Variants in KSR2 observed in about 807,000 individuals in gnomAD.
KSR2 encodes the protein kinase suppressor of ras 2.
KSR2 carries 25 observed loss-of-function variants against 107.8 expected under a neutral mutation model. The ratio of observed to expected loss-of-function variants is 0.23; its 90% CI spans 0.17 to 0.32. The LOEUF is 0.32. Ranked by LOEUF, KSR2 falls within the 10% of genes least tolerant of loss-of-function variation. KSR2 has a pLI of 1.00. For synonymous variants in KSR2, 480 were observed against 507.0 expected (o/e 0.95, Z 0.71); for missense variants, 887 against 1,268.9 (o/e 0.70, Z 4.57).
At chr12:117,594,749 C>A (rs1416926286) in intron 5 of KSR2, among the ~76,000 whole-genome samples, 1 of 152,176 alleles carries the variant, frequency 6.6e-6, no homozygotes, top group East Asian at 1.9e-4. Flanking sequence ...AACACATAAA[C>A]AAAGTTAACC....
chr12:117,800,591 A>G (rs1266929572), intron 3 of KSR2, among the ~76,000 whole-genome samples: 1 of 152,068 alleles, frequency 6.6e-6, no homozygotes, highest in East Asian at 1.9e-4. Context: ...TATTTTTTAA[A>G]TGTTATTTTA....
chr12:117,961,155 G>T (rs992797591), intron 1 of KSR2, among the ~76,000 whole-genome samples: 1 of 152,062 alleles, frequency 6.6e-6, no homozygotes, highest in Non-Finnish European at 1.5e-5. Flanking sequence ...TTGCAGTGTT[G>T]TGACTAAATG....
At chr12:117,696,569 G>C (rs1311473619) in intron 4 of KSR2, among the ~76,000 whole-genome samples, 1 of 152,038 alleles carries the variant, frequency 6.6e-6, no homozygotes, top group Non-Finnish European at 1.5e-5. Context: ...GTTGGAAGGG[G>C]ATTCAGATCC....
At position 117,469,168 on chromosome 12, in the gene KSR2, G is replaced by A. The variant is rs1386339108; in HGVS notation, c.2846+494C>T. ...GAGCATGGTCTGGAGCCTCTTATGA[G>A]GAAATCAGCAGAGATACTTCTGGTG... is the stretch of plus-strand genomic sequence containing the variant. On this transcript the variant is annotated intron_variant, in intron 19 of 19. Transcript: ENST00000339824. 2.0e-5 allele frequency among the ~76,000 whole-genome samples: 3 copies of A among 152,274 alleles called. 1 individual carries two copies. The highest frequency in any genetic ancestry group is 4.4e-5 in the Non-Finnish European group (3 of 68,026).
intron 7 of KSR2, among the ~76,000 whole-genome samples, chr12:117,573,523 TC>T (rs1333011672): frequency 8.5e-6 from 1 of 117,650 alleles, no homozygotes. Context: ...TCACATGTTA[TC>T]TTTTTTTTTT....
At chr12:117,595,351 C>CTTTT (rs71099060) in intron 5 of KSR2, among the ~76,000 whole-genome samples, 980 of 94,594 alleles carry the variant, frequency 0.01, 46 homozygotes, top group African/African-American at 0.019. Context: ...AGATCAAATT[C>CTTTT]TTTTTTTTTT....
intron 5 of KSR2, among the ~76,000 whole-genome samples, chr12:117,649,972 G>C (rs1298789057): frequency 2.6e-5 from 4 of 152,160 alleles, no homozygotes; most frequent in Non-Finnish European, 5.9e-5. Context: ...GCTTGCTCTA[G>C]TGAACACTGA....
intron 1 of KSR2, among the ~76,000 whole-genome samples, chr12:117,905,175 C>T (rs1241587515): frequency 1.3e-5 from 2 of 152,156 alleles, no homozygotes; most frequent in African/African-American, 4.8e-5. Flanking sequence ...GAGCGAGACT[C>T]CATCTCAAAA....
intron 3 of KSR2, among the ~76,000 whole-genome samples, chr12:117,794,689 GCACA>G (rs199826961): frequency 1.0e-4 from 15 of 143,750 alleles, no homozygotes; most frequent in Middle Eastern, 4.1e-3. Flanking sequence ...ATACCAACAG[GCACA>G]CACACACCAA....
Position 117,906,550 on chromosome 12 carries a change from T to C in KSR2, c.181-46119A>G, listed in dbSNP as rs529444488. ...GAACTTGGGAGGCGGAGGTTGCAGT[T>C]AGCCAAGATCACACCATTGCACCCC... On this transcript the variant is annotated intron_variant, in intron 1 of 19. Transcript: ENST00000339824. Among the ~76,000 whole-genome samples the C allele has an allele frequency of 6.7e-5, 10 of 149,086 alleles. No homozygotes were observed. The South Asian group carries it at 2.1e-3, about 32-fold the overall frequency.
chr12:117,809,875 G>C (rs922271376), intron 3 of KSR2, among the ~76,000 whole-genome samples: 1 of 152,228 alleles, frequency 6.6e-6, no homozygotes, highest in Non-Finnish European at 1.5e-5. Context: ...GGGAGGATTA[G>C]AACTCAGGGG....
chr12:117,657,292 TA>T (rs1252410349), intron 5 of KSR2, among the ~76,000 whole-genome samples: 1 of 151,950 alleles, frequency 6.6e-6, no homozygotes, highest in Non-Finnish European at 1.5e-5. Context: ...GAAGCCGACC[TA>T]AAAACAGCAG....
chr12:117,862,106 G>A (rs951798220), intron 1 of KSR2, among the ~76,000 whole-genome samples: 2 of 150,240 alleles, frequency 1.3e-5, no homozygotes, highest in African/African-American at 4.9e-5. Context: ...CCGTTGCCCA[G>A]GCTGGAGTGC....
intron 4 of KSR2, among the ~76,000 whole-genome samples, chr12:117,737,782 CAAAAAAAAAAAAA>C (rs10587288): frequency 1.2e-5 from 1 of 84,068 alleles, no homozygotes; most frequent in African/African-American, 3.9e-5. Flanking sequence ...AATCCTGTCT[CAAAAAAAAAAAAA>C]AAAAAAAAAA....
At chr12:117,766,635 G>A (rs888874924) in intron 3 of KSR2, among the ~76,000 whole-genome samples, 1 of 152,082 alleles carries the variant, frequency 6.6e-6, no homozygotes, top group African/African-American at 2.4e-5. Context: ...GAGCATACAG[G>A]GCACAGAAGA....
At position 117,964,441 on chromosome 12, in the gene KSR2, G is replaced by A. The variant is rs564040162; in HGVS notation, c.180+3635C>T. On this transcript the variant is annotated intron_variant, in intron 1 of 19. Coordinates refer to ENST00000339824, the MANE Select transcript of KSR2 (RefSeq NM_173598.6). ...TTATTGACTACCAGCATTAAGTACA[G>A]TGCCTGGATGTCAGCATTTGTTGAA... Among the ~76,000 whole-genome samples, 4 of 152,332 alleles carry A rather than the reference G, an allele frequency of 2.6e-5. No homozygotes were observed. The South Asian group carries it at 8.3e-4, about 32-fold the overall frequency.
intron 5 of KSR2, among the ~76,000 whole-genome samples, chr12:117,659,081 G>A (rs564524017): frequency 6.6e-6 from 1 of 152,294 alleles, no homozygotes; most frequent in East Asian, 1.9e-4. Context: ...CAAGAGAGGG[G>A]TTACTGGGAC....
At chr12:117,703,117 G>C (rs1886389806) in intron 4 of KSR2, among the ~76,000 whole-genome samples, 1 of 152,260 alleles carries the variant, frequency 6.6e-6, no homozygotes, top group Admixed American at 6.5e-5. Context: ...GTCAGAGAGA[G>C]AGAGAGAGAG....
chr12:117,932,111 A>G (rs1895710209), intron 1 of KSR2, among the ~76,000 whole-genome samples: 1 of 151,708 alleles, frequency 6.6e-6, no homozygotes, highest in Admixed American at 6.6e-5. Flanking sequence ...ACATGGCAAA[A>G]CCCCATCTCT....
Sources: allele counts gnomAD v4.1 joint callset (sites outside exome capture counted in the v4.1 genomes callset), GRCh38; gene constraint gnomAD v4.1.1; transcripts MANE v1.5; gene names NCBI Gene and HGNC (gene_info 2026-07-23, HGNC 2026-07-21).